The following ASTN2 variants were observed in gnomAD, a reference collection of about 807,000 sequenced individuals.
ASTN2 encodes astrotactin 2.
ASTN2 carries 54 observed loss-of-function variants against 139.8 expected under a neutral mutation model. That is an observed-to-expected ratio of 0.39 (90% CI 0.31 to 0.48). ASTN2 has a LOEUF of 0.48. Ranked by LOEUF, ASTN2 falls within the 20% of genes least tolerant of loss-of-function variation. ASTN2 has a pLI of 0.95. For missense variants in ASTN2, 1,565 were observed against 1,725.1 expected (o/e 0.91, Z 1.64); for synonymous variants, 756 against 719.5 (o/e 1.05, Z -0.81).
Position 116,812,568 on chromosome 9 carries a change from C to T in ASTN2, c.2208-6748G>A, listed in dbSNP as rs143651456. Among the ~76,000 whole-genome samples the T allele has an allele frequency of 1.0e-3, 154 of 152,220 alleles. 1 individual carries two copies. The highest frequency in any genetic ancestry group is 3.6e-3 in the African/African-American group (148 of 41,524). Reference sequence around the variant, plus strand: ...ATTTTAAGAATATTGACCTTGAGAACTGTAAAATAAAGTGTGTTATTTTAG... The same window carrying T: ...ATTTTAAGAATATTGACCTTGAGAATTGTAAAATAAAGTGTGTTATTTTAG... On this transcript the variant is annotated intron_variant, in intron 12 of 22. Transcript: ENST00000313400.
chr9:116,663,822 G>GT (rs1254296832), intron 16 of ASTN2, among the ~76,000 whole-genome samples: 1 of 152,110 alleles, frequency 6.6e-6, no homozygotes, highest in Non-Finnish European at 1.5e-5. Flanking sequence ...TGAGAGGTAG[G>GT]TTTCACTATT....
At chr9:116,518,162 T>G (rs1210962186) in intron 19 of ASTN2, among the ~76,000 whole-genome samples, 5 of 152,132 alleles carry the variant, frequency 3.3e-5, no homozygotes, top group Admixed American at 6.6e-5. Context: ...AAAGAGCACC[T>G]GGGAAATTCA....
chr9:117,181,314 A>G, intron 3 of ASTN2: 1 of 409,730 alleles, frequency 2.4e-6, no homozygotes, highest in South Asian at 2.6e-5. Flanking sequence ...AACTTGCCCC[A>G]GGTCAAAGAG....
At chr9:117,284,029 T>A (rs1204567544) in intron 2 of ASTN2, among the ~76,000 whole-genome samples, 2 of 152,168 alleles carry the variant, frequency 1.3e-5, no homozygotes, top group African/African-American at 4.8e-5. Context: ...TTGAATTGGG[T>A]CCTCCAAAAG....
intron 2 of ASTN2, among the ~76,000 whole-genome samples, chr9:117,228,830 C>T (rs1019554234): frequency 6.6e-6 from 1 of 152,028 alleles, no homozygotes; most frequent in African/African-American, 2.4e-5. Context: ...GCCTGGCCAA[C>T]ATGGCAAAAC....
At chr9:116,571,712 G>C (rs1330314863) in intron 19 of ASTN2, among the ~76,000 whole-genome samples, 2 of 152,156 alleles carry the variant, frequency 1.3e-5, no homozygotes, top group South Asian at 4.1e-4. Context: ...TCTGTCATGT[G>C]TTGAGTACAA....
At chr9:117,053,222 C>G (rs1024603744) in intron 5 of ASTN2, among the ~76,000 whole-genome samples, 2 of 152,044 alleles carry the variant, frequency 1.3e-5, no homozygotes, top group African/African-American at 4.8e-5. Flanking sequence ...GAGGCCGAGG[C>G]AGGAAGATTG....
intron 11 of ASTN2, among the ~76,000 whole-genome samples, chr9:116,831,100 T>C (rs570335761): frequency 9.2e-4 from 140 of 152,104 alleles, no homozygotes; most frequent in African/African-American, 3.3e-3. Flanking sequence ...AAACGGAAAG[T>C]CAAATATGAC....
At chr9:116,615,364 C>G (rs905453805) in intron 19 of ASTN2, among the ~76,000 whole-genome samples, 5 of 152,136 alleles carry the variant, frequency 3.3e-5, no homozygotes, top group Non-Finnish European at 7.3e-5. Flanking sequence ...ACCCAGCCAT[C>G]CCATTACTGG....
At chr9:116,498,475 G>T (rs1411582510) in intron 19 of ASTN2, among the ~76,000 whole-genome samples, 1 of 152,062 alleles carries the variant, frequency 6.6e-6, no homozygotes, top group East Asian at 1.9e-4. Flanking sequence ...GCATGTGTCT[G>T]TAGCCCTAGC....
chr9:116,982,664 C>T (rs1360303265), intron 7 of ASTN2, among the ~76,000 whole-genome samples: 4 of 151,940 alleles, frequency 2.6e-5, no homozygotes, highest in Non-Finnish European at 5.9e-5. Context: ...CTTTTGGGCT[C>T]AAGAGATCCT....
At chr9:116,728,845 T>C in intron 15 of ASTN2, 147 bp downstream of exon 15, 1 of 640,406 alleles carries the variant, frequency 1.6e-6, no homozygotes, top group Non-Finnish European at 2.7e-6. Flanking sequence ...CCACCCACCC[T>C]CCCTAGGACT....
chr9:116,955,046 A>T (rs1326308556), intron 10 of ASTN2, among the ~76,000 whole-genome samples: 13 of 152,244 alleles, frequency 8.5e-5, no homozygotes, highest in Non-Finnish European at 2.9e-5. Flanking sequence ...CAGAATGAGA[A>T]GGCACAAGAT....
chr9:116,440,551 A>G, intron 22 of ASTN2, 58 bp downstream of exon 22: 2 of 1,547,458 alleles, frequency 1.3e-6, no homozygotes, highest in Non-Finnish European at 1.8e-6. Context: ...AAGGGTCCAG[A>G]AAAGTCAACT....
chr9:116,607,216 A>G (rs1337890957), intron 19 of ASTN2, among the ~76,000 whole-genome samples: 1 of 152,224 alleles, frequency 6.6e-6, no homozygotes, highest in African/African-American at 2.4e-5. Context: ...TTAAGACATG[A>G]ATGTGTCTAA....
chr9:117,317,802 T>A (rs1462419504), intron 1 of ASTN2, among the ~76,000 whole-genome samples: 1 of 152,138 alleles, frequency 6.6e-6, no homozygotes, highest in Admixed American at 6.5e-5. Context: ...AGCCCAGCCC[T>A]CTACACAGTG....
intron 1 of ASTN2, among the ~76,000 whole-genome samples, chr9:117,349,799 A>T (rs564328198): frequency 5.4e-4 from 83 of 152,340 alleles, no homozygotes; most frequent in Admixed American, 9.8e-4. Flanking sequence ...AGACTCCCTG[A>T]TATGATATGA....
chr9:117,296,286 A>C (rs1232323787), intron 1 of ASTN2, among the ~76,000 whole-genome samples: 1 of 143,930 alleles, frequency 6.9e-6, no homozygotes, highest in Non-Finnish European at 1.6e-5. Context: ...TCAAAAAAAA[A>C]AAAAAAAAAA....
At chr9:117,174,413 C>G (rs1830869248) in intron 3 of ASTN2, among the ~76,000 whole-genome samples, 1 of 151,822 alleles carries the variant, frequency 6.6e-6, no homozygotes, top group Non-Finnish European at 1.5e-5. Context: ...AACCAATAGT[C>G]AGAAATTACC....
Sources: gnomAD v4.1 joint callset for allele counts (sites outside exome capture counted in the v4.1 genomes callset) on GRCh38, gnomAD v4.1.1 for gene constraint, MANE v1.5 for transcripts, NCBI Gene and HGNC (gene_info 2026-07-23, HGNC 2026-07-21) for gene names.